FNIP1: variants seen among roughly 807,000 people sequenced by gnomAD.
FNIP1 encodes the protein folliculin interacting protein 1.
Under a neutral mutation model 124.5 loss-of-function variants are expected in FNIP1, and 40 were observed. The ratio of observed to expected loss-of-function variants is 0.32; its 90% CI spans 0.25 to 0.42. FNIP1 has a LOEUF of 0.42. Ranked by LOEUF, FNIP1 falls within the 10% of genes least tolerant of loss-of-function variation. The pLI, the probability that FNIP1 is intolerant of heterozygous loss-of-function variation, is 1.00. For missense variants in FNIP1, 1,176 were observed against 1,403.7 expected, an observed-to-expected ratio of 0.84 and a Z score of 2.59; for synonymous variants, 472 against 470.6, an observed-to-expected ratio of 1.00 and a Z score of -0.04.
intron 11 of FNIP1, among the ~76,000 whole-genome samples, chr5:131,694,317 A>G (rs1580761517): frequency 2.0e-5 from 3 of 152,236 alleles, no homozygotes; most frequent in Admixed American, 2.0e-4. Context: ...TACAAGCAAG[A>G]TATCTTTCGA....
chr5:131,673,708 G>A lies in FNIP1; in HGVS notation c.1520-784C>T, dbSNP rs115610269. 2.7e-3 allele frequency among the ~76,000 whole-genome samples: 407 copies of A among 152,248 alleles called. 1 individual carries two copies. Among genetic ancestry groups the A allele is most frequent in the African/African-American group, 9.2e-3 (383 of 41,562 alleles). On this transcript the variant is annotated intron_variant, in intron 13 of 17. Transcript: ENST00000510461. ...GGTAAAATGGAGCAAAGCTATAGTC[G>A]TCACACCACACACTTAACCATTCCT... is the stretch of plus-strand genomic sequence containing the variant.
intron 10 of FNIP1, among the ~76,000 whole-genome samples, chr5:131,701,652 C>T (rs1768902976): frequency 6.6e-6 from 1 of 152,196 alleles, no homozygotes; most frequent in Non-Finnish European, 1.5e-5. Flanking sequence ...GCAGATCATC[C>T]TTAGTCACTA....
At chr5:131,769,300 TTAAC>T (rs1268493194) in intron 1 of FNIP1, among the ~76,000 whole-genome samples, 1 of 152,242 alleles carries the variant, frequency 6.6e-6, no homozygotes, top group African/African-American at 2.4e-5. Flanking sequence ...TTATCATAAT[TTAAC>T]TTTCAATAAA....
At chr5:131,785,219 A>C (rs1772166155) in intron 1 of FNIP1, among the ~76,000 whole-genome samples, 1 of 145,954 alleles carries the variant, frequency 6.9e-6, no homozygotes, top group Non-Finnish European at 1.5e-5. Flanking sequence ...TCATAACGCT[A>C]TTGGGCAGGG....
At chr5:131,750,428 T>C (rs1770832522) in intron 1 of FNIP1, among the ~76,000 whole-genome samples, 2 of 152,018 alleles carry the variant, frequency 1.3e-5, no homozygotes, top group South Asian at 4.1e-4. Context: ...AATACAGATA[T>C]GTACCTACTA....
chr5:131,672,581 A>G lies in FNIP1; in HGVS notation c.1863T>C (p.Asn621=), dbSNP rs779249336. The change falls in exon 14 of 18, where the codon AAT becomes AAC. Residue 621 remains asparagine (N), a synonymous_variant. Coordinates refer to ENST00000510461, the MANE Select transcript of FNIP1 (RefSeq NM_133372.3). ...TCTCTTGTTGTGAAATGTTCTCTAC[A>G]TTTTGCCCAAGGAGTGGATGACTGC... ...KYCSHPLLGQ[N]VENISQQERE... is the part of the protein sequence containing the mutation. 1.2e-6 allele frequency: 2 copies of G among 1,614,114 alleles called. No individual in the cohort carries two copies. The highest frequency in any genetic ancestry group is 2.2e-5 in the South Asian group (2 of 91,080).
At chr5:131,737,963 T>C (rs1245889728) in intron 2 of FNIP1, among the ~76,000 whole-genome samples, 1 of 152,222 alleles carries the variant, frequency 6.6e-6, no homozygotes. Flanking sequence ...GGCAGGGTAG[T>C]GGGGATATGG....
chr5:131,653,226 C>A (rs1467769143), intron 15 of FNIP1, among the ~76,000 whole-genome samples: 3 of 151,694 alleles, frequency 2.0e-5, no homozygotes, highest in African/African-American at 7.3e-5. Context: ...TTCTCCAAGA[C>A]ACATTGTTAA....
At chr5:131,661,372 T>C (rs1010002447) in intron 15 of FNIP1, among the ~76,000 whole-genome samples, 1 of 152,116 alleles carries the variant, frequency 6.6e-6, no homozygotes, top group African/African-American at 2.4e-5. Context: ...AGGTTTGACC[T>C]GGGGTGACTG....
At chr5:131,656,897 G>A (rs1382382451) in intron 15 of FNIP1, among the ~76,000 whole-genome samples, 2 of 151,780 alleles carry the variant, frequency 1.3e-5, no homozygotes, top group Admixed American at 6.6e-5. Context: ...CTTATATAAA[G>A]AGCTGCTAAC....
chr5:131,666,705 C>G (rs1561644118), intron 15 of FNIP1, among the ~76,000 whole-genome samples: 2 of 152,104 alleles, frequency 1.3e-5, no homozygotes, highest in East Asian at 3.9e-4. Flanking sequence ...ACTTAAGTGC[C>G]TGGGACACAG....
At chr5:131,766,949 C>T (rs1240565656) in intron 1 of FNIP1, among the ~76,000 whole-genome samples, 1 of 152,124 alleles carries the variant, frequency 6.6e-6, no homozygotes, top group Non-Finnish European at 1.5e-5. Context: ...GATCTGCACT[C>T]CGTCCACAGA....
intron 14 of FNIP1, 117 bp downstream of exon 14, chr5:131,671,388 A>C (rs1767743641): frequency 1.1e-6 from 1 of 874,492 alleles, no homozygotes; most frequent in East Asian, 2.5e-5. Flanking sequence ...AGAATATGAA[A>C]ACAAGAGAGC....
rs1355652203 is a variant in FNIP1, at chr5:131,643,305, T to C, written c.*1380A>G. ...AAGAATGGATGTGTTATATAGTAAA[T>C]ATATTTAATAACTGAATAAACAAGT... On this transcript the variant is annotated 3_prime_UTR_variant, in exon 18 of 18. Transcript: ENST00000510461. 1 of 152,650 alleles carries C rather than the reference T, an allele frequency of 6.6e-6. No homozygotes were observed. The highest frequency in any genetic ancestry group is 1.5e-5 in the Non-Finnish European group (1 of 68,038). The allele number at this position is 152,650 out of a possible 1,614,324, so 9.5% of individuals were successfully genotyped here.
intron 1 of FNIP1, among the ~76,000 whole-genome samples, chr5:131,747,178 T>A (rs947381560): frequency 6.6e-6 from 1 of 152,350 alleles, no homozygotes; most frequent in East Asian, 1.9e-4. Context: ...ATTAGACTTT[T>A]GTCAAATGTA....
intron 8 of FNIP1, among the ~76,000 whole-genome samples, chr5:131,708,689 T>C (rs1307461743): frequency 6.6e-6 from 1 of 152,080 alleles, no homozygotes; most frequent in Non-Finnish European, 1.5e-5. Context: ...CATACATCTG[T>C]GTTCCGTAAG....
At chr5:131,734,270 A>T (rs1420559100) in intron 2 of FNIP1, among the ~76,000 whole-genome samples, 5 of 152,112 alleles carry the variant, frequency 3.3e-5, no homozygotes, top group African/African-American at 1.2e-4. Context: ...TCTTTTCAAA[A>T]AACCAGCTCC....
At chr5:131,737,996 C>T (rs1305930365) in intron 2 of FNIP1, among the ~76,000 whole-genome samples, 1 of 152,136 alleles carries the variant, frequency 6.6e-6, no homozygotes, top group African/African-American at 2.4e-5. Context: ...ACTGTTCCAC[C>T]TCAGATCAGC....
At chr5:131,723,268 G>A (rs1472157901) in intron 3 of FNIP1, among the ~76,000 whole-genome samples, 1 of 152,044 alleles carries the variant, frequency 6.6e-6, no homozygotes, top group Non-Finnish European at 1.5e-5. Context: ...ACCATAATGT[G>A]TCTAACTCCA....
Sources: gnomAD v4.1 joint callset for allele counts (sites outside exome capture counted in the v4.1 genomes callset) on GRCh38, gnomAD v4.1.1 for gene constraint, MANE v1.5 for transcripts, NCBI Gene and HGNC (gene_info 2026-07-23, HGNC 2026-07-21) for gene names.